Variants in PPFIA2 observed in about 807,000 individuals in gnomAD.
PPFIA2 encodes the protein PPFI scaffold protein A2, also known as liprin-alpha-2.
PPFIA2 carries 46 observed loss-of-function variants against 175.5 expected under a neutral mutation model. That is an observed-to-expected ratio of 0.26 (90% CI 0.21 to 0.34). The LOEUF is 0.34. PPFIA2 is among the 10% of genes least tolerant of loss of function. PPFIA2 has a pLI of 1.00. For synonymous variants in PPFIA2, 568 were observed against 511.4 expected (o/e 1.11, Z -1.49); for missense variants, 1,179 against 1,506.1 (o/e 0.78, Z 3.60).
intron 4 of PPFIA2, among the ~76,000 whole-genome samples, chr12:81,572,273 G>T (rs1383958829): frequency 6.6e-6 from 1 of 151,912 alleles, no homozygotes; most frequent in Non-Finnish European, 1.5e-5. Flanking sequence ...CAACTCAAAA[G>T]TCAAGTTCTC....
chr12:81,677,846 GT>G (rs1454617863), intron 3 of PPFIA2, among the ~76,000 whole-genome samples: 9 of 151,892 alleles, frequency 5.9e-5, no homozygotes, highest in African/African-American at 2.2e-4. Context: ...GCTGTGACCT[GT>G]TTATAGGGAC....
chr12:81,598,246 GCTAGTTCT>G (rs2059455033), intron 4 of PPFIA2: 1 of 1,346,066 alleles, frequency 7.4e-7, no homozygotes, highest in East Asian at 2.9e-5. Context: ...CTTTTGTGAA[GCTAGTTCT>G]CTAGAACATA....
chr12:81,739,953 G>A (rs539887655), intron 3 of PPFIA2, among the ~76,000 whole-genome samples: 16 of 152,218 alleles, frequency 1.1e-4, no homozygotes, highest in Admixed American at 1.0e-3. Context: ...GTACTTGCCT[G>A]GAAGACAACC....
chr12:81,576,629 A>G (rs2073602516), intron 4 of PPFIA2, among the ~76,000 whole-genome samples: 1 of 151,796 alleles, frequency 6.6e-6, no homozygotes, highest in Non-Finnish European at 1.5e-5. Flanking sequence ...AATATCACAA[A>G]CCCAAAAGTA....
chr12:81,727,121 A>G (rs981253213), intron 3 of PPFIA2, among the ~76,000 whole-genome samples: 1 of 151,286 alleles, frequency 6.6e-6, no homozygotes, highest in African/African-American at 2.4e-5. Context: ...GCCCAATTTA[A>G]TGGTGCCTGA....
At chr12:81,590,999 A>T (rs1360903146) in intron 4 of PPFIA2, among the ~76,000 whole-genome samples, 1 of 152,162 alleles carries the variant, frequency 6.6e-6, no homozygotes, top group Non-Finnish European at 1.5e-5. Context: ...TCAGAAGAAG[A>T]CAGGAAAATG....
At chr12:81,522,971 G>A (rs1432336724) in intron 4 of PPFIA2, among the ~76,000 whole-genome samples, 4 of 152,156 alleles carry the variant, frequency 2.6e-5, no homozygotes, top group Non-Finnish European at 4.4e-5. Context: ...GGCTGATGGA[G>A]GTTCTGCCAT....
rs1024586607 is a variant in PPFIA2 at position 81,665,865 on chromosome 12, T to C, written c.303+10926A>G. ...GGAGAAAATTTTTGCAATCTACTCA[T>C]CTGACAAAGGGCTAATATCCAGAAT... On this transcript the variant is annotated intron_variant, in intron 4 of 32. Coordinates refer to ENST00000549396, the MANE Select transcript of PPFIA2 (RefSeq NM_003625.5). Among the ~76,000 whole-genome samples, 10 of 152,126 alleles carry C rather than the reference T, an allele frequency of 6.6e-5. No homozygotes were observed. In the South Asian group the frequency reaches 1.9e-3, roughly 28 times the overall value.
intron 4 of PPFIA2, among the ~76,000 whole-genome samples, chr12:81,553,065 T>C (rs556159876): frequency 2.6e-5 from 4 of 151,610 alleles, no homozygotes; most frequent in Admixed American, 2.6e-4. Context: ...ATGTACAGAG[T>C]GTGGTATGAC....
intron 4 of PPFIA2, among the ~76,000 whole-genome samples, chr12:81,561,404 G>C (rs1275536175): frequency 2.0e-5 from 3 of 152,198 alleles, no homozygotes; most frequent in African/African-American, 7.2e-5. Flanking sequence ...CACAGTTCAT[G>C]CTTCAAAAAC....
chr12:81,388,770 CT>C (rs1399358570), intron 8 of PPFIA2, among the ~76,000 whole-genome samples: 1 of 151,962 alleles, frequency 6.6e-6, no homozygotes, highest in Non-Finnish European at 1.5e-5. Flanking sequence ...TTTGGAGAAA[CT>C]GAGACTCAGG....
chr12:81,639,459 C>A (rs185080845), intron 4 of PPFIA2, among the ~76,000 whole-genome samples: 1 of 152,180 alleles, frequency 6.6e-6, no homozygotes, highest in African/African-American at 2.4e-5. Context: ...CAACCACCCA[C>A]ATTTCTTCCC....
In PPFIA2 at chr12:81,395,975, A is replaced by G. The variant is rs2041062102; in HGVS notation, c.762+9812T>C. 2.0e-5 allele frequency among the ~76,000 whole-genome samples: 3 copies of G among 152,044 alleles called. No individual in the cohort carries two copies. The South Asian group carries it at 6.2e-4, about 31-fold the overall frequency. ...CAGTTATATCCATATGCGTGTTAAAATAAGTTTTGTGTGCCTTTTTTCACA... is the reference window on the plus strand; with the variant it reads ...CAGTTATATCCATATGCGTGTTAAAGTAAGTTTTGTGTGCCTTTTTTCACA... On this transcript the variant is annotated intron_variant, in intron 8 of 32. Coordinates refer to ENST00000549396, the MANE Select transcript of PPFIA2 (RefSeq NM_003625.5).
chr12:81,587,670 G>T (rs1197569580), intron 4 of PPFIA2, among the ~76,000 whole-genome samples: 1 of 151,996 alleles, frequency 6.6e-6, no homozygotes, highest in African/African-American at 2.4e-5. Flanking sequence ...TTATGTAATT[G>T]AAATTACCCA....
chr12:81,287,525 G>GT (rs1031444623), intron 24 of PPFIA2, among the ~76,000 whole-genome samples: 85 of 151,974 alleles, frequency 5.6e-4, no homozygotes, highest in African/African-American at 2.0e-3. Flanking sequence ...TTGATATGCA[G>GT]TTTTACTTGT....
chr12:81,285,132 TTAA>T (rs1490605094), intron 24 of PPFIA2, among the ~76,000 whole-genome samples: 2 of 152,166 alleles, frequency 1.3e-5, no homozygotes, highest in African/African-American at 4.8e-5. Context: ...TTCTATACAC[TTAA>T]TAACGTACAG....
intron 4 of PPFIA2, among the ~76,000 whole-genome samples, chr12:81,656,067 T>C (rs1039270568): frequency 1.3e-5 from 2 of 152,052 alleles, no homozygotes; most frequent in South Asian, 4.1e-4. Context: ...TGTAGTTATG[T>C]AGGCTTTTTA....
chr12:81,464,884 GAAA>G (rs11422177), intron 4 of PPFIA2, among the ~76,000 whole-genome samples: 1 of 145,578 alleles, frequency 6.9e-6, no homozygotes, highest in Admixed American at 6.9e-5. Context: ...AATAGAGCTG[GAAA>G]AAAAAAAAAA....
intron 22 of PPFIA2, chr12:81,302,834 G>T (rs12317365): frequency 0.013 from 3,877 of 306,610 alleles, 153 homozygotes; most frequent in African/African-American, 0.082. Context: ...TAGGCATGTT[G>T]GTTTGAGAGA....
Sources: allele counts gnomAD v4.1 joint callset (sites outside exome capture counted in the v4.1 genomes callset), GRCh38; gene constraint gnomAD v4.1.1; transcripts MANE v1.5; gene names NCBI Gene and HGNC (gene_info 2026-07-23, HGNC 2026-07-21).